The following DOCK3 variants were observed in gnomAD, a reference collection of about 807,000 sequenced individuals.
The protein encoded by DOCK3 is dedicator of cytokinesis 3.
Under a neutral mutation model 265.6 loss-of-function variants are expected in DOCK3, and 60 were observed. The ratio of observed to expected loss-of-function variants is 0.23; its 90% CI spans 0.18 to 0.28. The LOEUF (loss-of-function observed/expected upper bound fraction) is 0.28. Among genes scored for constraint, DOCK3 ranks in the 10% least tolerant of loss-of-function variants. The pLI is 1.00. For synonymous variants in DOCK3, 881 were observed against 938.0 expected (o/e 0.94, Z 1.11); for missense variants, 1,981 against 2,594.3 (o/e 0.76, Z 5.14).
chr3:51,322,206 G>A (rs2083778394), intron 32 of DOCK3, among the ~76,000 whole-genome samples: 2 of 151,980 alleles, frequency 1.3e-5, no homozygotes, highest in African/African-American at 4.8e-5. Flanking sequence ...TTTTGTTTTT[G>A]TTTTTGTTTG....
intron 51 of DOCK3, among the ~76,000 whole-genome samples, chr3:51,376,356 C>T (rs1036156035): frequency 1.3e-5 from 2 of 152,190 alleles, no homozygotes; most frequent in Non-Finnish European, 2.9e-5. Flanking sequence ...TGTAGCCACT[C>T]TGGCCAGCAG....
At chr3:51,189,164 A>G (rs548269195) in intron 12 of DOCK3, among the ~76,000 whole-genome samples, 1 of 152,030 alleles carries the variant, frequency 6.6e-6, no homozygotes, top group East Asian at 1.9e-4. Flanking sequence ...TTTGATTTAC[A>G]TTTGCCTGAT....
At chr3:50,859,210 GTTTTTTTTTTTTTT>G (rs138539454) in intron 3 of DOCK3, among the ~76,000 whole-genome samples, 1 of 69,222 alleles carries the variant, frequency 1.4e-5, no homozygotes, top group Non-Finnish European at 2.5e-5. Context: ...AACTGGTATG[GTTTTTTTTTTTTTT>G]TTTTTTTTTT....
chr3:50,825,596 A>G (rs1388059553), intron 2 of DOCK3, among the ~76,000 whole-genome samples: 2 of 152,130 alleles, frequency 1.3e-5, no homozygotes, highest in Non-Finnish European at 2.9e-5. Flanking sequence ...AGGGTTCCAT[A>G]TTAAAACTGG....
rs192583173 is a variant in DOCK3 at position 50,780,602 on chromosome 3, G to A, written c.121+1844G>A. On this transcript the variant is annotated intron_variant, in intron 2 of 52. Coordinates refer to ENST00000266037, the MANE Select transcript of DOCK3 (RefSeq NM_004947.5). Reference sequence around the variant, plus strand: ...TAATAGTTGTATTCATGGGTACATAGTGATGTTTTGGTGCATATAATATAT... The same window carrying A: ...TAATAGTTGTATTCATGGGTACATAATGATGTTTTGGTGCATATAATATAT... Among the ~76,000 whole-genome samples the A allele has an allele frequency of 2.6e-5, 4 of 152,264 alleles. No homozygotes were observed. In the East Asian group the frequency reaches 7.7e-4, roughly 29 times the overall value.
In DOCK3 at chr3:51,002,395, T is replaced by G. The variant is rs139146087; in HGVS notation, c.316-62053T>G. ...AGATATTTTCTCTTTGCCTATAGTT[T>G]GTCTTTTCATTTCTTAGTTGTATCT... On this transcript the variant is annotated intron_variant, in intron 5 of 52. Transcript: ENST00000266037. Among the ~76,000 whole-genome samples the G allele has an allele frequency of 7.9e-5, 12 of 152,368 alleles. No individual in the cohort carries two copies. The East Asian group carries it at 2.3e-3, about 29-fold the overall frequency.
chr3:50,918,812 GT>G (rs1311764902), intron 4 of DOCK3, among the ~76,000 whole-genome samples: 1 of 152,162 alleles, frequency 6.6e-6, no homozygotes, highest in Non-Finnish European at 1.5e-5. Context: ...TGCTTTTGGT[GT>G]TTTAGTCATG....
chr3:50,803,058 A>C (rs1165038061), intron 2 of DOCK3, among the ~76,000 whole-genome samples: 1 of 145,848 alleles, frequency 6.9e-6, no homozygotes, highest in Non-Finnish European at 1.5e-5. Context: ...GTATTTATGT[A>C]TTTATTTATT....
chr3:51,039,757 C>A (rs1457164002), intron 5 of DOCK3, among the ~76,000 whole-genome samples: 1 of 151,980 alleles, frequency 6.6e-6, no homozygotes, highest in Non-Finnish European at 1.5e-5. Flanking sequence ...CCCAGTCTAT[C>A]ATGTCTGCTC....
chr3:51,101,270 G>T, intron 9 of DOCK3, among the ~76,000 whole-genome samples: 1 of 151,968 alleles, frequency 6.6e-6, no homozygotes, highest in East Asian at 1.9e-4. Flanking sequence ...ACAGGCGCCC[G>T]CCACCGCGCC....
At chr3:51,107,447 G>A (rs1366449087) in intron 9 of DOCK3, among the ~76,000 whole-genome samples, 2 of 152,152 alleles carry the variant, frequency 1.3e-5, no homozygotes, top group African/African-American at 4.8e-5. Context: ...CACAATCTAA[G>A]GAAGCTAAGA....
At chr3:51,351,489 C>A (rs891906180) in intron 40 of DOCK3, among the ~76,000 whole-genome samples, 1 of 152,144 alleles carries the variant, frequency 6.6e-6, no homozygotes, top group African/African-American at 2.4e-5. Context: ...TTGCACTTTT[C>A]TTGGGCAGTA....
intron 9 of DOCK3, among the ~76,000 whole-genome samples, chr3:51,139,105 G>A (rs1412422094): frequency 6.6e-6 from 1 of 152,062 alleles, no homozygotes; most frequent in Non-Finnish European, 1.5e-5. Flanking sequence ...TGTACTAGGG[G>A]TCATCTTCAC....
chr3:50,849,778 G>A (rs1480249742), intron 3 of DOCK3, among the ~76,000 whole-genome samples: 1 of 152,066 alleles, frequency 6.6e-6, no homozygotes, highest in African/African-American at 2.4e-5. Flanking sequence ...ATTCCAGAAG[G>A]ATACAATTAA....
At chr3:50,929,719 C>T (rs1035561858) in intron 4 of DOCK3, among the ~76,000 whole-genome samples, 3 of 152,046 alleles carry the variant, frequency 2.0e-5, no homozygotes, top group African/African-American at 7.2e-5. Context: ...CCTATAATTG[C>T]TGTGTCTTTG....
chr3:50,952,528 A>T (rs1394825996), intron 5 of DOCK3, among the ~76,000 whole-genome samples: 2 of 152,196 alleles, frequency 1.3e-5, no homozygotes, highest in African/African-American at 4.8e-5. Flanking sequence ...ATATATTTTC[A>T]TGCTCAATAA....
intron 5 of DOCK3, among the ~76,000 whole-genome samples, chr3:51,049,490 T>C (rs996576455): frequency 6.6e-6 from 1 of 152,146 alleles, no homozygotes; most frequent in African/African-American, 2.4e-5. Flanking sequence ...TAGCTAACTT[T>C]ATGGGTCAGT....
chr3:50,959,573 ATTTATTTATTT>A (rs1410503854), intron 5 of DOCK3, among the ~76,000 whole-genome samples: 1 of 147,934 alleles, frequency 6.8e-6, no homozygotes. Context: ...TATATATAAA[ATTTATTTATTT>A]ATTTATTTAT....
intron 1 of DOCK3, among the ~76,000 whole-genome samples, chr3:50,761,926 A>T (rs904452088): frequency 6.6e-6 from 1 of 152,236 alleles, no homozygotes; most frequent in African/African-American, 2.4e-5. Context: ...CTATGCTGCC[A>T]TAAGAAAGGA....
Sources: allele counts gnomAD v4.1 joint callset (sites outside exome capture counted in the v4.1 genomes callset), GRCh38; gene constraint gnomAD v4.1.1; transcripts MANE v1.5; gene names NCBI Gene and HGNC (gene_info 2026-07-23, HGNC 2026-07-21).